The following GPI variants were observed in gnomAD, a reference collection of about 807,000 sequenced individuals.
GPI encodes the protein glucose-6-phosphate isomerase.
GPI carries 56 observed loss-of-function variants against 75.8 expected under a neutral mutation model. The observed-to-expected ratio is 0.74, with a 90% CI of 0.60 to 0.92. The LOEUF is 0.92. Among genes scored for constraint, GPI ranks in the 40% least tolerant of loss-of-function variants. The pLI, the probability that GPI is intolerant of heterozygous loss-of-function variation, is 0.00. For missense variants in GPI, 638 were observed against 741.0 expected (o/e 0.86, Z 1.61); for synonymous variants, 288 against 285.4 (o/e 1.01, Z -0.09).
chr19:34,375,650 T>C (rs2074523970), intron 4 of GPI, among the ~76,000 whole-genome samples: 1 of 152,184 alleles, frequency 6.6e-6, no homozygotes, highest in African/African-American at 2.4e-5. Flanking sequence ...GGCTGTGACT[T>C]TTGGAAAAAG....
chr19:34,402,289 A>C lies in GPI; in HGVS notation c.*2253A>C, dbSNP rs546296936. 1 of 152,310 alleles carries C rather than the reference A, an allele frequency of 6.6e-6. No homozygotes were observed. The highest frequency in any genetic ancestry group is 2.4e-5 in the African/African-American group (1 of 41,574). The allele number at this position is 152,310 out of a possible 1,614,324, so 9.4% of individuals were successfully genotyped here. On this transcript the variant is annotated 3_prime_UTR_variant, in exon 18 of 18. Transcript: ENST00000356487. ...CCAAGTCTTTATTTACATAGGGTGTAACCAAATAGGAAACCTCTAAAGGGT... is the reference window on the plus strand; with the variant it reads ...CCAAGTCTTTATTTACATAGGGTGTCACCAAATAGGAAACCTCTAAAGGGT...
chr19:34,399,533 A>G (rs1444648041), intron 15 of GPI, 23 bp from the exon 16 acceptor site: 1 of 1,611,732 alleles, frequency 6.2e-7, no homozygotes, highest in African/African-American at 1.3e-5. Flanking sequence ...TCTCTTGGAG[A>G]CATTCCTTGG....
rs902632374 is a variant in GPI at position 34,401,289 on chromosome 19, C to T, written c.*1253C>T. The T allele has an allele frequency of 3.3e-5, 5 of 151,888 alleles. No individual in the cohort carries two copies. Among genetic ancestry groups the T allele is most frequent in the African/African-American group, 1.2e-4 (5 of 41,318 alleles). The allele number at this position is 151,888 out of a possible 1,614,324, so 9.4% of individuals were successfully genotyped here. A position where few individuals can be genotyped will look rare whatever the true frequency, so the allele number is the denominator to read the frequency against. ...CTGGAGTGCAGTAGCACGGTCTCAG[C>T]TCATTGCAAGCTCCGCCTCCCAGGT... On this transcript the variant is annotated 3_prime_UTR_variant, in exon 18 of 18. Coordinates refer to ENST00000356487, the MANE Select transcript of GPI (RefSeq NM_000175.5).
intron 2 of GPI, 64 bp downstream of exon 2, chr19:34,366,499 G>A: frequency 3.6e-6 from 4 of 1,120,242 alleles, no homozygotes; most frequent in Non-Finnish European, 5.5e-6. Context: ...CTGGGCTCCT[G>A]GGAGTCCCCA....
intron 4 of GPI, among the ~76,000 whole-genome samples, chr19:34,370,734 A>C (rs537350677): frequency 1.3e-5 from 2 of 151,824 alleles, no homozygotes; most frequent in Non-Finnish European, 2.9e-5. Flanking sequence ...CAAAAAAAAA[A>C]AACCAACAAA....
chr19:34,399,655 T>G (rs1468026615), intron 16 of GPI, 24 bp downstream of exon 16: 1 of 1,613,934 alleles, frequency 6.2e-7, no homozygotes, highest in East Asian at 2.2e-5. Flanking sequence ...GGAAAGGTCC[T>G]GGCTTGGGGT....
Position 34,400,451 on chromosome 19 carries a change from G to A in GPI, c.*415G>A. ...GACACTTAACACTAAGTGGTGAGCG[G>A]GTCTAGAGTGGAGCAAGGTGCCCTG... On this transcript the variant is annotated 3_prime_UTR_variant, in exon 18 of 18. Coordinates refer to ENST00000356487, the MANE Select transcript of GPI (RefSeq NM_000175.5). 1.8e-6 allele frequency: 1 copy of A among 565,380 alleles called. No homozygotes were observed. Among genetic ancestry groups the A allele is most frequent in the Non-Finnish European group, 3.1e-6 (1 of 322,138 alleles). 35.0% of individuals were successfully genotyped at this position (565,380 alleles called of 1,614,324 possible). A position where few individuals can be genotyped will look rare whatever the true frequency, so the allele number is the denominator to read the frequency against.
At chr19:34,369,416 C>T (rs1489306426) in intron 4 of GPI, among the ~76,000 whole-genome samples, 2 of 152,068 alleles carry the variant, frequency 1.3e-5, no homozygotes, top group Non-Finnish European at 2.9e-5. Context: ...GTAAAATTTC[C>T]TCAACCCTGG....
At chr19:34,380,845 C>T (rs182232170) in intron 8 of GPI, 13 of 178,166 alleles carry the variant, frequency 7.3e-5, no homozygotes, top group Admixed American at 1.6e-4. Flanking sequence ...TGCAGCAGGA[C>T]GCCATAAGGC....
rs2074889708 is a variant in GPI, at chr19:34,393,122, C to G, written c.805-126C>G. The G allele has an allele frequency of 2.6e-6, 2 of 765,418 alleles. No homozygotes were observed. The highest frequency in any genetic ancestry group is 2.8e-5 in the South Asian group (2 of 72,004). 47.4% of individuals were successfully genotyped at this position (765,418 alleles called of 1,614,324 possible). ...CAGCACCTGCCTGCTGCCTTGCTTCCTGGAGGTGGGTTGGGCCAGGGCCCT... is the reference window on the plus strand; with the variant it reads ...CAGCACCTGCCTGCTGCCTTGCTTCGTGGAGGTGGGTTGGGCCAGGGCCCT... On this transcript the variant is annotated intron_variant, in intron 9 of 17. Transcript: ENST00000356487. The surrounding 1 kb of genome is among the most constrained non-coding windows in gnomAD (Gnocchi z 4.4).
intron 3 of GPI, 41 bp downstream of exon 3, chr19:34,366,892 C>T (rs1173186060): frequency 1.4e-6 from 2 of 1,390,238 alleles, no homozygotes; most frequent in Admixed American, 1.7e-5. Flanking sequence ...TCCTTCCTTC[C>T]CTTTGGGGTT....
At chr19:34,372,227 A>C (rs2074465053) in intron 4 of GPI, among the ~76,000 whole-genome samples, 1 of 152,196 alleles carries the variant, frequency 6.6e-6, no homozygotes, top group Admixed American at 6.5e-5. Flanking sequence ...CACCACACCC[A>C]GCCAAGACTT....
At chr19:34,379,453 G>T in intron 7 of GPI, 65 bp from the exon 8 acceptor site, 1 of 1,386,076 alleles carries the variant, frequency 7.2e-7, no homozygotes, top group South Asian at 1.2e-5. Context: ...TTCCTCTAGT[G>T]ATGGGAAGTG....
intron 4 of GPI, among the ~76,000 whole-genome samples, chr19:34,375,458 C>G (rs1037005541): frequency 2.6e-5 from 4 of 152,070 alleles, no homozygotes; most frequent in Admixed American, 2.6e-4. Flanking sequence ...TAGCAGTAAA[C>G]TTTTATTACC....
intron 9 of GPI, among the ~76,000 whole-genome samples, chr19:34,391,324 A>T (rs201464383): frequency 4.3e-3 from 7 of 1,634 alleles, no homozygotes; most frequent in South Asian, 0.021. Flanking sequence ...AGGATCTAGG[A>T]CTGTCCATGT....
Position 34,368,600 on chromosome 19 carries a change from C to T in GPI, c.300C>T (p.His100=), listed in dbSNP as rs373589993. ...INYTEGRAVL[H]VALRNRSNTP... Reference sequence around the variant, plus strand: ...ATCCCCAGGGTCGAGCCGTGCTGCACGTGGCTCTGCGGAACCGGTCAAACA... The same window carrying T: ...ATCCCCAGGGTCGAGCCGTGCTGCATGTGGCTCTGCGGAACCGGTCAAACA... Residue 100 remains histidine (H), a synonymous_variant, in exon 4 of 18, where the codon CAC becomes CAT. Transcript: ENST00000356487. 63 of 1,614,002 alleles carry T rather than the reference C, an allele frequency of 3.9e-5. No individual in the cohort carries two copies. The highest frequency in any genetic ancestry group is 1.6e-4 in the Middle Eastern group (1 of 6,084).
intron 9 of GPI, among the ~76,000 whole-genome samples, chr19:34,383,040 C>T (rs1038348071): frequency 3.9e-5 from 6 of 152,098 alleles, no homozygotes; most frequent in African/African-American, 1.2e-4. Context: ...GATGCAGTGC[C>T]GGCCCTCAGG....
At chr19:34,360,944 A>ATT (rs2074297948), upstream of GPI, among the ~76,000 whole-genome samples, 1 of 151,426 alleles carries the variant, frequency 6.6e-6, no homozygotes, top group Non-Finnish European at 1.5e-5. Flanking sequence ...CGCCTGGCTA[A>ATT]TTTTTGTAAT....
upstream of GPI, among the ~76,000 whole-genome samples, chr19:34,360,238 G>T (rs1281872400): frequency 6.6e-6 from 1 of 152,048 alleles, no homozygotes; most frequent in Non-Finnish European, 1.5e-5. Flanking sequence ...CTCTGCGATC[G>T]GCAGGACTTG....
Sources: gnomAD v4.1 joint callset for allele counts (sites outside exome capture counted in the v4.1 genomes callset) on GRCh38, gnomAD v4.1.1 for gene constraint, Gnocchi (gnomAD v3.1) non-coding constraint, MANE v1.5 for transcripts, NCBI Gene and HGNC (gene_info 2026-07-23, HGNC 2026-07-21) for gene names.